Variants in GUCD1 observed in about 807,000 individuals in gnomAD.
GUCD1 encodes the protein protein GUCD1.
Under a neutral mutation model 28.3 loss-of-function variants are expected in GUCD1, and 17 were observed. The ratio of observed to expected loss-of-function variants is 0.60; its 90% confidence interval spans 0.41 to 0.90. The LOEUF (loss-of-function observed/expected upper bound fraction) is 0.90. GUCD1 is among the 40% of genes least tolerant of loss of function. GUCD1 has a pLI of 0.00. For missense variants in GUCD1, 279 were observed against 305.5 expected (o/e 0.91, Z 0.65); for synonymous variants, 129 against 123.3 (o/e 1.05, Z -0.30).
At chr22:24,547,324 A>G in intron 3 of GUCD1, 1 of 329,958 alleles carries the variant, frequency 3.0e-6, no homozygotes, top group Non-Finnish European at 5.8e-6. Context: ...AGGAGCCCGT[A>G]GCGAATAAGC....
chr22:24,550,104 C>T (rs2044833333), intron 1 of GUCD1, among the ~76,000 whole-genome samples: 7 of 152,258 alleles, frequency 4.6e-5, no homozygotes, highest in Admixed American at 3.9e-4. Flanking sequence ...CCTAGCGTTC[C>T]AGTCTCAACT....
upstream of GUCD1, chr22:24,555,687 C>G (rs1416946141): frequency 6.4e-7 from 1 of 1,550,658 alleles, no homozygotes; most frequent in Non-Finnish European, 8.7e-7. Flanking sequence ...CCTGCTGTCC[C>G]CGGTCTGAGG....
At chr22:24,546,780 C>T in intron 4 of GUCD1, 134 bp downstream of exon 4, 1 of 752,286 alleles carries the variant, frequency 1.3e-6, no homozygotes. Flanking sequence ...GTGCCCACAG[C>T]CACCCGGGTA....
intron 1 of GUCD1, among the ~76,000 whole-genome samples, chr22:24,552,764 C>T (rs1221432326): frequency 1.4e-5 from 2 of 144,296 alleles, no homozygotes; most frequent in African/African-American, 2.6e-5. Flanking sequence ...AGTGAGACTC[C>T]ATCTCAAAAA....
At chr22:24,551,609 G>A (rs952324460) in intron 1 of GUCD1, among the ~76,000 whole-genome samples, 4 of 152,232 alleles carry the variant, frequency 2.6e-5, no homozygotes, top group African/African-American at 4.8e-5. Context: ...CCCGGCTGCT[G>A]TTCTCAAGGT....
intron 5 of GUCD1, 110 bp downstream of exon 5, chr22:24,543,732 G>A: frequency 7.3e-7 from 1 of 1,366,566 alleles, no homozygotes; most frequent in Non-Finnish European, 1.0e-6. Context: ...GAAAAGGTAG[G>A]GAGGGAGGCC....
In GUCD1 at chr22:24,543,889, T is replaced by C. The variant is rs745546209; in HGVS notation, c.581A>G (p.Asn194Ser). Residue 194 changes from asparagine to serine, a missense_variant, in exon 5 of 6, where the codon AAC (asparagine) becomes AGC (serine). Physicochemically the swap from Asn to Ser is conservative, Grantham distance 46 (BLOSUM62 1). Coordinates refer to ENST00000435822, the MANE Select transcript of GUCD1 (RefSeq NM_001284254.2). Reference protein sequence around the residue: ...QGHFIVLRGYNRATGCIFYNN... With the variant: ...QGHFIVLRGYSRATGCIFYNN... The stretch of plus-strand genomic sequence containing the variant: ...GTAGAAGATGCAGCCAGTGGCCCGG[T>C]TGTAGCCACGCAGCACGATGAAGTG... 3 of 1,613,978 alleles carry C rather than the reference T, an allele frequency of 1.9e-6. No homozygotes were observed. The highest frequency in any genetic ancestry group is 2.5e-6 in the Non-Finnish European group (3 of 1,179,952).
chr22:24,547,075 T>C (rs1453546086), intron 3 of GUCD1, 70 bp from the exon 4 acceptor site: 14 of 1,213,946 alleles, frequency 1.2e-5, no homozygotes, highest in Non-Finnish European at 1.7e-5. Context: ...ATGAAGGAAA[T>C]AAAGAGCGTG....
intron 1 of GUCD1, among the ~76,000 whole-genome samples, chr22:24,552,363 T>C (rs1414142565): frequency 6.6e-6 from 1 of 152,276 alleles, no homozygotes; most frequent in African/African-American, 2.4e-5. Context: ...TATTTTGTTA[T>C]AGAAGCACAA....
At chr22:24,543,143 G>A (rs753220352) in intron 5 of GUCD1, 46 bp from the exon 6 acceptor site, 30 of 1,363,958 alleles carry the variant, frequency 2.2e-5, no homozygotes, top group Non-Finnish European at 3.0e-5. Flanking sequence ...GGTTGTGAGA[G>A]AGCACCTACA....
At chr22:24,550,112 A>G (rs2044833650) in intron 1 of GUCD1, among the ~76,000 whole-genome samples, 1 of 152,222 alleles carries the variant, frequency 6.6e-6, no homozygotes, top group Non-Finnish European at 1.5e-5. Context: ...TCCAGTCTCA[A>G]CTGTGCCACT....
Position 24,544,034 on chromosome 22 carries a change from C to T in GUCD1, c.436G>A (p.Ala146Thr). ...IQAHLAQGHV[A>T]IVLVNSGVLH... The stretch of plus-strand genomic sequence containing the variant: ...ACCCCCGAGTTCACCAGCACGATGG[C>T]CACATGGCCCTGAGCCAGGTGCGCC... Residue 146 changes from alanine to threonine, a missense_variant, in exon 5 of 6, where the codon GCC becomes ACC. Coordinates refer to ENST00000435822, the MANE Select transcript of GUCD1 (RefSeq NM_001284254.2). 1 of 1,614,022 alleles carries T rather than the reference C, an allele frequency of 6.2e-7. No individual in the cohort carries two copies. The highest frequency in any genetic ancestry group is 1.3e-5 in the African/African-American group (1 of 75,006).
intron 5 of GUCD1, among the ~76,000 whole-genome samples, 191 bp downstream of exon 5, chr22:24,543,651 C>T (rs930013645): frequency 9.2e-5 from 14 of 151,946 alleles, no homozygotes; most frequent in African/African-American, 1.9e-4. Flanking sequence ...GCACAGTTTG[C>T]GGCAGGTTTG....
chr22:24,555,004 G>T lies in GUCD1; in HGVS notation c.-13C>A. 1 of 1,508,138 alleles carries T rather than the reference G, an allele frequency of 6.6e-7. No homozygotes were observed. The highest frequency in any genetic ancestry group is 1.5e-5 in the African/African-American group (1 of 68,266). The allele number at this position is 1,508,138 out of a possible 1,614,324, so 93.4% of individuals were successfully genotyped here. ...CCTCCGTCCTCATGACCCGGGCGGC[G>T]CGGGGCGCCCATGGCCCCGGCCCAG... is the stretch of plus-strand genomic sequence containing the variant. On this transcript the variant is annotated 5_prime_UTR_variant, in exon 1 of 6. Transcript: ENST00000435822.
chr22:24,555,546 G>T (rs1472171452), upstream of GUCD1: 19 of 1,490,446 alleles, frequency 1.3e-5, no homozygotes, highest in South Asian at 2.2e-4. Context: ...CCCTGAGCGG[G>T]CAGCCGCTCT....
chr22:24,550,584 C>G (rs1217833650), intron 1 of GUCD1, among the ~76,000 whole-genome samples: 3 of 152,246 alleles, frequency 2.0e-5, no homozygotes, highest in African/African-American at 7.2e-5. Flanking sequence ...TGGCAGGTCT[C>G]TCCTGGACTG....
At chr22:24,549,043 G>T in intron 1 of GUCD1, 42 bp from the exon 2 acceptor site, 1 of 1,404,210 alleles carries the variant, frequency 7.1e-7, no homozygotes, top group Non-Finnish European at 9.9e-7. Context: ...TCAGCGCAGA[G>T]CCCACCACTC....
chr22:24,554,741 G>A (rs2044986922), intron 1 of GUCD1, among the ~76,000 whole-genome samples: 1 of 152,232 alleles, frequency 6.6e-6, no homozygotes, highest in Non-Finnish European at 1.5e-5. Flanking sequence ...TCTGGGGAAG[G>A]TGGTGCCCCT....
rs2044770591 is a variant in GUCD1 at position 24,547,905 on chromosome 22, C to T, written c.294+3G>A. ...TGGGAAGGCCTGGTGGCTGGTCGCT[C>T]ACCTGGTTCTTGTAGCCCTTGTCGA... On this transcript the variant is annotated splice_donor_region_variant and intron_variant, in intron 3 of 5. Coordinates refer to ENST00000435822, the MANE Select transcript of GUCD1 (RefSeq NM_001284254.2). The T allele has an allele frequency of 1.2e-6, 2 of 1,613,956 alleles. No homozygotes were observed. The highest frequency in any genetic ancestry group is 1.7e-6 in the Non-Finnish European group (2 of 1,179,900).
Sources: gnomAD v4.1 joint callset for allele counts (sites outside exome capture counted in the v4.1 genomes callset) on GRCh38, gnomAD v4.1.1 for gene constraint, MANE v1.5 for transcripts, NCBI Gene and HGNC (gene_info 2026-07-23, HGNC 2026-07-21) for gene names.